Variants in DMGDH observed in about 807,000 individuals in gnomAD.
DMGDH encodes the protein dimethylglycine dehydrogenase.
Under a neutral mutation model 95.2 loss-of-function variants are expected in DMGDH, and 76 were observed. That is an observed-to-expected ratio of 0.80 (90% CI 0.66 to 0.97). The LOEUF is 0.97. Among genes scored for constraint, DMGDH ranks in the 50% least tolerant of loss-of-function variants. The pLI is 0.00. For missense variants in DMGDH, 987 were observed against 1,055.0 expected (o/e 0.94, Z 0.89); for synonymous variants, 345 against 377.6 (o/e 0.91, Z 1.00).
At chr5:79,028,028 C>T (rs902510629) in intron 12 of DMGDH, among the ~76,000 whole-genome samples, 8 of 151,914 alleles carry the variant, frequency 5.3e-5, no homozygotes, top group East Asian at 3.9e-4. Context: ...TCAGTAGAAA[C>T]GGGGTTTCTC....
At chr5:79,032,583 G>T in intron 9 of DMGDH, 104 bp downstream of exon 9, 1 of 1,487,190 alleles carries the variant, frequency 6.7e-7, no homozygotes, top group Non-Finnish European at 9.4e-7. Context: ...GTGCTCCTTG[G>T]AACAGGGTGG....
At chr5:79,038,232 C>G (rs1170749928) in intron 7 of DMGDH, among the ~76,000 whole-genome samples, 1 of 152,014 alleles carries the variant, frequency 6.6e-6, no homozygotes, top group Non-Finnish European at 1.5e-5. Context: ...ACCTGAAATC[C>G]CAGCACTTTG....
chr5:79,007,159 C>T (rs970573492), intron 14 of DMGDH, among the ~76,000 whole-genome samples: 19 of 152,118 alleles, frequency 1.2e-4, no homozygotes, highest in Admixed American at 2.6e-4. Flanking sequence ...GAGCTTGATT[C>T]ATTTGAATTC....
In DMGDH at chr5:79,033,242, T is replaced by C; in HGVS notation, c.1360A>G (p.Ile454Val). 3.1e-6 allele frequency: 5 copies of C among 1,614,102 alleles called. No homozygotes were observed. Among genetic ancestry groups the C allele is most frequent in the Non-Finnish European group, 4.2e-6 (5 of 1,179,996 alleles). Residue 454 changes from isoleucine (I) to valine (V), a missense_variant, in exon 8 of 16, where the codon ATT becomes GTT. Transcript: ENST00000255189. Reference sequence around the variant, plus strand: ...CAACAGTACATTTGTACCTTACCAATATTGTTGAATCCATATGATTCTCTT... The same window carrying C: ...CAACAGTACATTTGTACCTTACCAACATTGTTGAATCCATATGATTCTCTT... ...KARESYGFNN[I>V]VGYPKEERFA...
intron 15 of DMGDH, among the ~76,000 whole-genome samples, chr5:79,004,043 A>G (rs1181804692): frequency 6.6e-6 from 1 of 152,178 alleles, no homozygotes; most frequent in Non-Finnish European, 1.5e-5. Flanking sequence ...TGAAGTGTTC[A>G]ACATGTCTTA....
intron 15 of DMGDH, among the ~76,000 whole-genome samples, chr5:78,999,524 G>A (rs1376601036): frequency 2.0e-5 from 3 of 151,272 alleles, no homozygotes; most frequent in East Asian, 3.9e-4. Flanking sequence ...TAGTAGAGGC[G>A]GGGTTTCACC....
At position 79,054,357 on chromosome 5, in the gene DMGDH, A is replaced by G; in HGVS notation, c.376-9T>C. The G allele has an allele frequency of 1.2e-6, 2 of 1,613,958 alleles. No homozygotes were observed. The highest frequency in any genetic ancestry group is 1.7e-5 in the Admixed American group (1 of 60,022). On this transcript the variant is annotated splice_polypyrimidine_tract_variant and intron_variant, in intron 3 of 15. Transcript: ENST00000255189. The stretch of plus-strand genomic sequence containing the variant: ...TGATGGAATCCCACCACCTGTGACA[A>G]TAATTCCAGTGAGAGCATATAAATA...
At chr5:79,018,964 C>G (rs967456503) in intron 14 of DMGDH, among the ~76,000 whole-genome samples, 2 of 152,126 alleles carry the variant, frequency 1.3e-5, no homozygotes, top group Admixed American at 1.3e-4. Context: ...TCTTCCCCTC[C>G]CCTCCTTTCT....
At chr5:79,064,358 G>GA (rs112515671) in intron 1 of DMGDH, among the ~76,000 whole-genome samples, 11,668 of 139,756 alleles carry the variant, frequency 0.083, 548 homozygotes, top group Middle Eastern at 0.12. Context: ...GTCTCAAAAG[G>GA]AAAAAAAAAA....
At chr5:79,053,206 G>A (rs1754917992) in intron 4 of DMGDH, among the ~76,000 whole-genome samples, 1 of 152,160 alleles carries the variant, frequency 6.6e-6, no homozygotes, top group Non-Finnish European at 1.5e-5. Flanking sequence ...AGGCTGGAGT[G>A]CAGTAGTGTA....
At chr5:79,021,750 C>T in intron 14 of DMGDH, 1 of 1,264,816 alleles carries the variant, frequency 7.9e-7, no homozygotes, top group Non-Finnish European at 1.0e-6. Flanking sequence ...AAAAGGTAGT[C>T]CATACAAACA....
chr5:79,017,994 CACAA>C lies in DMGDH; in HGVS notation c.2250+6273_2250+6276del, dbSNP rs1422015958. ...CCAAATATTTATCAATGAGTGAGTA[CACAA>C]ACAAATTGTAGTATATCCATACAAT... is the stretch of plus-strand genomic sequence containing the variant. On this transcript the variant is annotated intron_variant, in intron 14 of 15. Transcript: ENST00000255189. Among the ~76,000 whole-genome samples, 8 of 152,304 alleles carry C rather than the reference CACAA, an allele frequency of 5.3e-5. No individual in the cohort carries two copies. In the East Asian group the frequency reaches 9.6e-4, roughly 18 times the overall value.
intron 8 of DMGDH, 120 bp from the exon 9 acceptor site, chr5:79,032,960 CATAT>C: frequency 2.6e-6 from 3 of 1,176,120 alleles, no homozygotes; most frequent in East Asian, 2.4e-5. Flanking sequence ...TACATACATA[CATAT>C]ATATGAATGA....
chr5:79,031,352 G>C (rs1001678128), intron 9 of DMGDH, among the ~76,000 whole-genome samples: 4 of 152,182 alleles, frequency 2.6e-5, no homozygotes, highest in Admixed American at 2.6e-4. Context: ...ATCATCTGGA[G>C]AGCATTTTAA....
intron 5 of DMGDH, 95 bp from the exon 6 acceptor site, chr5:79,044,647 G>A: frequency 1.4e-6 from 2 of 1,420,188 alleles, no homozygotes; most frequent in Non-Finnish European, 1.9e-6. Context: ...ATGTTTAGAA[G>A]GCTTAAGTAC....
At chr5:79,001,810 T>A (rs182321579) in intron 15 of DMGDH, among the ~76,000 whole-genome samples, 3 of 152,382 alleles carry the variant, frequency 2.0e-5, no homozygotes, top group Admixed American at 2.0e-4. Flanking sequence ...TGAATTTCTC[T>A]CTAATCCAGG....
chr5:79,042,767 G>GTCT (rs796847109), intron 6 of DMGDH, among the ~76,000 whole-genome samples: 15 of 106,078 alleles, frequency 1.4e-4, no homozygotes, highest in African/African-American at 4.7e-4. Context: ...AATCCAATCA[G>GTCT]TTTTTTTTAA....
Position 79,018,623 on chromosome 5 carries a change from T to C in DMGDH, c.2250+5648A>G, listed in dbSNP as rs142845417. Among the ~76,000 whole-genome samples, 65 of 152,304 alleles carry C rather than the reference T, an allele frequency of 4.3e-4. No individual in the cohort carries two copies. The East Asian group carries it at 0.012, about 28-fold the overall frequency. ...GTGATGGTTTCACTGCTGTATCATG[T>C]ACTAAAACTTATCAAATTGCTTACT... is the stretch of plus-strand genomic sequence containing the variant. On this transcript the variant is annotated intron_variant, in intron 14 of 15. Transcript: ENST00000255189.
intron 15 of DMGDH, chr5:79,001,227 A>G (rs924624392): frequency 7.0e-5 from 23 of 327,984 alleles, no homozygotes; most frequent in Non-Finnish European, 1.1e-4. Flanking sequence ...CAGAGGCGCA[A>G]TCTTGGCTCT....
Sources: gnomAD v4.1 joint callset for allele counts (sites outside exome capture counted in the v4.1 genomes callset) on GRCh38, gnomAD v4.1.1 for gene constraint, MANE v1.5 for transcripts, NCBI Gene and HGNC (gene_info 2026-07-23, HGNC 2026-07-21) for gene names.